CNTD1: variants seen among roughly 807,000 people sequenced by gnomAD.
CNTD1 encodes the protein cyclin N-terminal domain-containing protein 1.
CNTD1 carries 17 observed loss-of-function variants against 36.3 expected under a neutral mutation model. The ratio of observed to expected loss-of-function variants is 0.47; its 90% CI spans 0.32 to 0.70. The LOEUF is 0.70. Ranked by LOEUF, CNTD1 falls within the 30% of genes least tolerant of loss-of-function variation. The pLI is 0.03. For missense variants in CNTD1, 338 were observed against 386.1 expected, an observed-to-expected ratio of 0.88 and a Z score of 1.04; for synonymous variants, 128 against 153.3, an observed-to-expected ratio of 0.83 and a Z score of 1.22.
At chr17:42,804,953 C>A (rs747842491) in intron 3 of CNTD1, among the ~76,000 whole-genome samples, 1 of 152,146 alleles carries the variant, frequency 6.6e-6, no homozygotes, top group African/African-American at 2.4e-5. Flanking sequence ...CTTTCTCCCC[C>A]TCTCACTCAC....
Position 42,811,017 on chromosome 17 carries a change from T to A in CNTD1, c.*1482T>A. The A allele has an allele frequency of 7.7e-7, 1 of 1,303,422 alleles. No homozygotes were observed. 80.7% of individuals were successfully genotyped at this position (1,303,422 alleles called of 1,614,324 possible). ...GGACTTGATCATGGGACCATTCACGTCATTTTATCTATTAAAGAACACTTG... is the reference window on the plus strand; with the variant it reads ...GGACTTGATCATGGGACCATTCACGACATTTTATCTATTAAAGAACACTTG... On this transcript the variant is annotated 3_prime_UTR_variant, in exon 7 of 7. Coordinates refer to ENST00000588408, the MANE Select transcript of CNTD1 (RefSeq NM_173478.3).
chr17:42,808,066 G>A lies in CNTD1; in HGVS notation c.822+202G>A, dbSNP rs536320889. Among the ~76,000 whole-genome samples the A allele has an allele frequency of 3.3e-5, 5 of 152,308 alleles. No homozygotes were observed. The East Asian group carries it at 7.7e-4, about 23-fold the overall frequency. On this transcript the variant is annotated intron_variant, in intron 6 of 6. Coordinates refer to ENST00000588408, the MANE Select transcript of CNTD1 (RefSeq NM_173478.3). ...TTCCTTTTATAAAACTGGAAATGGA[G>A]GCCCAAGTTCGGCTTGTTCATTTCC...
chr17:42,803,656 A>T lies in CNTD1; in HGVS notation c.206A>T (p.Glu69Val), dbSNP rs769033294. The T allele has an allele frequency of 9.9e-6, 16 of 1,613,888 alleles. No homozygotes were observed. The highest frequency in any genetic ancestry group is 1.4e-5 in the Non-Finnish European group (16 of 1,179,984). ...VFLLSEQWCL[E>V]KSVSYQAVEI... ...CTCCTGTCTGAACAATGGTGTCTGG[A>T]GAAATCTGTGAGCTACCAGGCTGTA... The change falls in exon 2 of 7, where the codon GAG becomes GTG. Residue 69 changes from glutamate (E) to valine (V), a missense_variant. By Grantham distance (121) the Glu-to-Val change is moderately radical. Coordinates refer to ENST00000588408, the MANE Select transcript of CNTD1 (RefSeq NM_173478.3).
intron 1 of CNTD1, among the ~76,000 whole-genome samples, chr17:42,799,578 C>T (rs941546635): frequency 4.0e-5 from 6 of 151,092 alleles, no homozygotes; most frequent in African/African-American, 1.5e-4. Flanking sequence ...ATGGTGAAAT[C>T]CTGTCTCTAC....
intron 1 of CNTD1, among the ~76,000 whole-genome samples, chr17:42,801,536 TATATATATATA>T (rs1247552539): frequency 3.0e-4 from 24 of 78,956 alleles, no homozygotes; most frequent in African/African-American, 1.3e-3. Context: ...TATATATATA[TATATATATATA>T]ATATATGTGT....
chr17:42,810,561 G>T lies in CNTD1; in HGVS notation c.*1026G>T. On this transcript the variant is annotated 3_prime_UTR_variant, in exon 7 of 7. Transcript: ENST00000588408. ...TAAGAATCAAAACTGACCAGGGCTG[G>T]CAACTATAGATGGCATGTTGTAGCT... The T allele has an allele frequency of 2.2e-6, 1 of 464,834 alleles. No homozygotes were observed. The allele number at this position is 464,834 out of a possible 1,614,324, so 28.8% of individuals were successfully genotyped here.
Position 42,809,763 on chromosome 17 carries a change from G to T in CNTD1, c.*228G>T. 1 of 454,464 alleles carries T rather than the reference G, an allele frequency of 2.2e-6. No individual in the cohort carries two copies. The highest frequency in any genetic ancestry group is 3.5e-5 in the South Asian group (1 of 28,224). The allele number at this position is 454,464 out of a possible 1,614,324, so 28.2% of individuals were successfully genotyped here. A position where few individuals can be genotyped will look rare whatever the true frequency, so the allele number is the denominator to read the frequency against. The stretch of plus-strand genomic sequence containing the variant: ...TAAAAAGCTAGGTGGAGACAGATTA[G>T]TTGTTTCATTTTTGTTTAACAAGGT... On this transcript the variant is annotated 3_prime_UTR_variant, in exon 7 of 7. Transcript: ENST00000588408.
chr17:42,804,765 G>A (rs1330873676), intron 3 of CNTD1, among the ~76,000 whole-genome samples: 1 of 152,048 alleles, frequency 6.6e-6, no homozygotes, highest in African/African-American at 2.4e-5. Flanking sequence ...CTGAGGTCGT[G>A]CCATTGTACT....
chr17:42,805,617 C>A, intron 3 of CNTD1, 105 bp from the exon 4 acceptor site: 2 of 995,570 alleles, frequency 2.0e-6, no homozygotes, highest in Non-Finnish European at 2.9e-6. Context: ...AGAGACAAGA[C>A]TGAAGATGAA....
In CNTD1 at chr17:42,799,213, G is replaced by A. The variant is rs370557977; in HGVS notation, c.146G>A (p.Arg49His). The A allele has an allele frequency of 6.8e-6, 11 of 1,613,744 alleles. No homozygotes were observed. Among genetic ancestry groups the A allele is most frequent in the Non-Finnish European group, 8.5e-6 (10 of 1,179,868 alleles). The change falls in exon 1 of 7, where the codon CGC becomes CAC. Residue 49 changes from arginine (R) to histidine (H), a missense_variant. Transcript: ENST00000588408. ...AGGGAGGCTTCGGGGCGGCTGGGCC[G>A]CTTCAGGGAGCCCCAGATCGTGGGT... Reference protein sequence around the residue: ...AVREASGRLGRFREPQIVEFV... With the variant: ...AVREASGRLGHFREPQIVEFV...
chr17:42,807,750 G>T lies in CNTD1; in HGVS notation c.726-18G>T, dbSNP rs773941779. 1.9e-6 allele frequency: 3 copies of T among 1,557,372 alleles called. No homozygotes were observed. Among genetic ancestry groups the T allele is most frequent in the Non-Finnish European group, 2.7e-6 (3 of 1,128,448 alleles). On this transcript the variant is annotated intron_variant, in intron 5 of 6. Coordinates refer to ENST00000588408, the MANE Select transcript of CNTD1 (RefSeq NM_173478.3). Reference sequence around the variant, plus strand: ...GTTCCATTCTAGCTTTAAAATTAATGTGGTTTTAATCACTCAGGGAAAAGT... The same window carrying T: ...GTTCCATTCTAGCTTTAAAATTAATTTGGTTTTAATCACTCAGGGAAAAGT...
chr17:42,807,371 C>T (rs192627741), intron 5 of CNTD1, among the ~76,000 whole-genome samples: 17 of 151,858 alleles, frequency 1.1e-4, no homozygotes, highest in Middle Eastern at 3.4e-3. Context: ...GCTGAGATGG[C>T]GCCACTGCAC....
chr17:42,807,871 A>G lies in CNTD1; in HGVS notation c.822+7A>G. ...CCATGAGTGTTGGAGCCAGGTATGC[A>G]CCACTGAGCAGGACCAGCATGGTGA... On this transcript the variant is annotated splice_region_variant and intron_variant, in intron 6 of 6. Coordinates refer to ENST00000588408, the MANE Select transcript of CNTD1 (RefSeq NM_173478.3). 1 of 1,591,908 alleles carries G rather than the reference A, an allele frequency of 6.3e-7. No individual in the cohort carries two copies. Among genetic ancestry groups the G allele is most frequent in the South Asian group, 1.1e-5 (1 of 90,662 alleles).
rs1597923767 is a variant in CNTD1 at position 42,811,041 on chromosome 17, T to C, written c.*1506T>C. On this transcript the variant is annotated 3_prime_UTR_variant, in exon 7 of 7. Coordinates refer to ENST00000588408, the MANE Select transcript of CNTD1 (RefSeq NM_173478.3). ...GTCATTTTATCTATTAAAGAACACT[T>C]GGTGAGGAATGATAGTGTATTTTGG... 3.6e-6 allele frequency: 4 copies of C among 1,110,286 alleles called. No individual in the cohort carries two copies. In the East Asian group the frequency reaches 1.0e-4, roughly 28 times the overall value. 68.8% of individuals were successfully genotyped at this position (1,110,286 alleles called of 1,614,324 possible). A position where few individuals can be genotyped will look rare whatever the true frequency, so the allele number is the denominator to read the frequency against.
chr17:42,805,776 A>C lies in CNTD1; in HGVS notation c.472A>C (p.Thr158Pro). 6.2e-7 allele frequency: 1 copy of C among 1,614,086 alleles called. No homozygotes were observed. The highest frequency in any genetic ancestry group is 8.5e-7 in the Non-Finnish European group (1 of 1,179,932). Residue 158 changes from threonine (T) to proline (P), a missense_variant, in exon 4 of 7, where the codon ACT becomes CCT. By Grantham distance (38) the Thr-to-Pro change is conservative. Transcript: ENST00000588408. ...NFLQALGYLHTKEELLESELD... is the reference protein window; with the variant it reads ...NFLQALGYLHPKEELLESELD... The stretch of plus-strand genomic sequence containing the variant: ...CCTCCAGGCTCTAGGCTATCTACAC[A>C]CTAAAGAAGAACTGCTGGAATCAGA...
chr17:42,804,686 T>A (rs1041605149), intron 3 of CNTD1, among the ~76,000 whole-genome samples: 7 of 151,978 alleles, frequency 4.6e-5, no homozygotes, highest in African/African-American at 1.7e-4. Context: ...CGCACACCTG[T>A]AATTCCAGCT....
intron 1 of CNTD1, 37 bp downstream of exon 1, chr17:42,799,273 G>A (rs753595720): frequency 9.5e-6 from 15 of 1,583,234 alleles, no homozygotes; most frequent in Admixed American, 3.9e-5. Flanking sequence ...GTTCTTGGGA[G>A]ACTGGGGCTT....
intron 1 of CNTD1, among the ~76,000 whole-genome samples, chr17:42,799,832 G>A (rs1391716419): frequency 2.0e-5 from 3 of 148,686 alleles, no homozygotes; most frequent in East Asian, 2.0e-4. Context: ...TTGGGAGGCT[G>A]AGGCGGGCAG....
intron 1 of CNTD1, among the ~76,000 whole-genome samples, 184 bp from the exon 2 acceptor site, chr17:42,803,436 T>C (rs1333074270): frequency 6.6e-6 from 1 of 152,238 alleles, no homozygotes; most frequent in Non-Finnish European, 1.5e-5. Flanking sequence ...CTCCTTTACA[T>C]GTCTCTGATC....
Sources: allele counts gnomAD v4.1 joint callset (sites outside exome capture counted in the v4.1 genomes callset), GRCh38; gene constraint gnomAD v4.1.1; transcripts MANE v1.5; gene names NCBI Gene and HGNC (gene_info 2026-07-23, HGNC 2026-07-21).